ZNF407: variants seen among roughly 807,000 people sequenced by gnomAD.
ZNF407 encodes the protein zinc finger protein 407.
Under a neutral mutation model 131.2 loss-of-function variants are expected in ZNF407, and 17 were observed. That is an observed-to-expected ratio of 0.13 (90% CI 0.09 to 0.19). The LOEUF (loss-of-function observed/expected upper bound fraction) is 0.19, where lower values mean the gene tolerates loss of function less well. Ranked by LOEUF, ZNF407 falls within the 10% of genes least tolerant of loss-of-function variation. The probability of loss-of-function intolerance (pLI) is 1.00; values close to 1 mark genes in which losing one functional copy is unlikely to be tolerated. For synonymous variants in ZNF407, 1,156 were observed against 1,062.0 expected, an observed-to-expected ratio of 1.09 and a Z score of -1.72; for missense variants, 2,681 against 2,830.6, an observed-to-expected ratio of 0.95 and a Z score of 1.20.
chr18:74,627,835 C>T (rs9958425), intron 1 of ZNF407, among the ~76,000 whole-genome samples: 31,508 of 118,468 alleles, frequency 0.27, 4,088 homozygotes, highest in African/African-American at 0.34. Context: ...TGCCCTGCCC[C>T]GCCCCACCCC....
intron 4 of ZNF407, among the ~76,000 whole-genome samples, chr18:74,876,444 G>A (rs1461967920): frequency 6.6e-6 from 1 of 152,172 alleles, no homozygotes; most frequent in Non-Finnish European, 1.5e-5. Flanking sequence ...AGATCAAACA[G>A]AGGAAGTATT....
intron 1 of ZNF407, among the ~76,000 whole-genome samples, chr18:74,626,059 C>T (rs117281685): frequency 0.022 from 3,361 of 152,228 alleles, 67 homozygotes; most frequent in Middle Eastern, 0.082. Context: ...ATCCAGAATA[C>T]GTAAGCAGTT....
At chr18:74,945,019 C>T (rs925738622) in intron 8 of ZNF407, among the ~76,000 whole-genome samples, 1 of 152,114 alleles carries the variant, frequency 6.6e-6, no homozygotes, top group Non-Finnish European at 1.5e-5. Flanking sequence ...AGCGACGACT[C>T]GTATGCATTT....
intron 8 of ZNF407, among the ~76,000 whole-genome samples, chr18:74,996,044 A>G (rs976781712): frequency 2.0e-5 from 3 of 152,230 alleles, no homozygotes; most frequent in African/African-American, 7.2e-5. Flanking sequence ...TATCATATCT[A>G]GAAAACTACT....
At chr18:74,642,179 C>T (rs1033603316) in intron 3 of ZNF407, among the ~76,000 whole-genome samples, 1 of 152,092 alleles carries the variant, frequency 6.6e-6, no homozygotes, top group Admixed American at 6.6e-5. Context: ...CCTTTGCAAG[C>T]ACTTTTATGA....
At chr18:75,035,591 C>T (rs1329261023) in intron 8 of ZNF407, among the ~76,000 whole-genome samples, 1 of 152,200 alleles carries the variant, frequency 6.6e-6, no homozygotes, top group Non-Finnish European at 1.5e-5. Flanking sequence ...TTTTTATCTG[C>T]CAGCCAGCAG....
chr18:74,984,165 G>T (rs777170712), intron 8 of ZNF407, among the ~76,000 whole-genome samples: 2 of 152,182 alleles, frequency 1.3e-5, no homozygotes, highest in South Asian at 4.1e-4. Context: ...TCTCGGACTA[G>T]GGTTCTTCTC....
At chr18:74,673,246 T>C (rs1180346585) in intron 3 of ZNF407, among the ~76,000 whole-genome samples, 3 of 152,196 alleles carry the variant, frequency 2.0e-5, no homozygotes, top group Non-Finnish European at 2.9e-5. Flanking sequence ...TATTATGTTA[T>C]AGTTCTGGAG....
At chr18:74,653,900 A>G (rs926357945) in intron 3 of ZNF407, among the ~76,000 whole-genome samples, 20 of 151,868 alleles carry the variant, frequency 1.3e-4, no homozygotes, top group Non-Finnish European at 1.5e-5. Context: ...ATGTGTTATC[A>G]TGAACATGCT....
chr18:74,888,999 A>G (rs180776457), intron 6 of ZNF407, among the ~76,000 whole-genome samples: 238 of 152,318 alleles, frequency 1.6e-3, no homozygotes, highest in Admixed American at 2.7e-3. Context: ...CTATGAGGTT[A>G]TAACACTGTG....
chr18:74,830,812 A>G (rs940620454), intron 4 of ZNF407, among the ~76,000 whole-genome samples: 3 of 152,160 alleles, frequency 2.0e-5, no homozygotes, highest in Non-Finnish European at 4.4e-5. Context: ...TGTATAATAT[A>G]TTATTGTTAA....
intron 4 of ZNF407, among the ~76,000 whole-genome samples, chr18:74,855,414 ATAATTTAACAG>A (rs1970845889): frequency 2.6e-5 from 4 of 152,250 alleles, no homozygotes. Context: ...TACATGTAGC[ATAATTTAACAG>A]TAATAATCAC....
chr18:74,897,084 CT>C (rs922482117), intron 7 of ZNF407, among the ~76,000 whole-genome samples: 8 of 152,066 alleles, frequency 5.3e-5, no homozygotes, highest in African/African-American at 1.9e-4. Context: ...AGTACATAGG[CT>C]TTTTAAAATT....
chr18:74,739,738 G>A (rs1968504462), intron 3 of ZNF407, among the ~76,000 whole-genome samples: 1 of 151,726 alleles, frequency 6.6e-6, no homozygotes, highest in Admixed American at 6.6e-5. Context: ...TAGTTTTTGA[G>A]ATAAAAAAAT....
chr18:74,711,873 A>T (rs910530355), intron 3 of ZNF407, among the ~76,000 whole-genome samples: 34 of 151,550 alleles, frequency 2.2e-4, no homozygotes, highest in African/African-American at 7.8e-4. Flanking sequence ...ACCACACCCG[A>T]TTAATTTTTG....
intron 8 of ZNF407, among the ~76,000 whole-genome samples, chr18:74,994,607 G>C (rs1256656719): frequency 6.6e-6 from 1 of 152,238 alleles, no homozygotes; most frequent in South Asian, 2.1e-4. Context: ...GTCCCTGCTG[G>C]TGTGTGTCCA....
At chr18:74,717,820 A>G (rs1967931419) in intron 3 of ZNF407, among the ~76,000 whole-genome samples, 2 of 152,222 alleles carry the variant, frequency 1.3e-5, no homozygotes, top group Non-Finnish European at 1.5e-5. Context: ...TAATCCAAAC[A>G]TCTGAAATTT....
intron 4 of ZNF407, among the ~76,000 whole-genome samples, chr18:74,852,908 A>G (rs1970809385): frequency 6.6e-6 from 1 of 152,214 alleles, no homozygotes; most frequent in South Asian, 2.1e-4. Flanking sequence ...ATCTTGTATT[A>G]TGTATACAAT....
At chr18:74,617,270 A>G (rs1030643864) in intron 1 of ZNF407, among the ~76,000 whole-genome samples, 16 of 152,058 alleles carry the variant, frequency 1.1e-4, no homozygotes, top group African/African-American at 3.9e-4. Context: ...CTCAGTCTGT[A>G]TCATCTAAGA....
Sources: gnomAD v4.1 joint callset for allele counts (sites outside exome capture counted in the v4.1 genomes callset) on GRCh38, gnomAD v4.1.1 for gene constraint, MANE v1.5 for transcripts, NCBI Gene and HGNC (gene_info 2026-07-23, HGNC 2026-07-21) for gene names.